Variants in NOVA1 observed in about 807,000 individuals in gnomAD.
NOVA1 encodes NOVA alternative splicing regulator 1, also known as RNA-binding protein Nova-1.
A neutral mutation model predicts 38.0 loss-of-function variants in NOVA1; 7 were observed. The ratio of observed to expected loss-of-function variants is 0.18; its 90% CI spans 0.10 to 0.35. The LOEUF is 0.35. Ranked by LOEUF, NOVA1 falls within the 10% of genes least tolerant of loss-of-function variation. The probability of loss-of-function intolerance (pLI) is 1.00; values close to 1 mark genes in which losing one functional copy is unlikely to be tolerated. For synonymous variants in NOVA1, 270 were observed against 232.5 expected (o/e 1.16, Z -1.47); for missense variants, 460 against 616.0 (o/e 0.75, Z 2.68).
chr14:26,516,906 CT>C (rs1179556122), intron 2 of NOVA1, among the ~76,000 whole-genome samples: 19 of 135,580 alleles, frequency 1.4e-4, no homozygotes, highest in Middle Eastern at 4.1e-3. Context: ...GACTTTGCCT[CT>C]TTTTTTTTTT....
chr14:26,484,598 A>T (rs1381636901), intron 2 of NOVA1, among the ~76,000 whole-genome samples: 1 of 152,144 alleles, frequency 6.6e-6, no homozygotes, highest in Non-Finnish European at 1.5e-5. Flanking sequence ...TGAGTTTTAT[A>T]GATACTCTCT....
intron 2 of NOVA1, among the ~76,000 whole-genome samples, chr14:26,571,440 G>GA (rs1297109228): frequency 6.6e-6 from 1 of 152,082 alleles, no homozygotes; most frequent in African/African-American, 2.4e-5. Context: ...TAAGTGGGCA[G>GA]AAAAAACAAT....
At chr14:26,459,235 AT>A (rs1221119844) in intron 4 of NOVA1, among the ~76,000 whole-genome samples, 1 of 152,030 alleles carries the variant, frequency 6.6e-6, no homozygotes, top group East Asian at 1.9e-4. Context: ...CAGGAGTATC[AT>A]TTTTTATCTT....
chr14:26,558,864 C>T (rs1014377733), intron 2 of NOVA1, among the ~76,000 whole-genome samples: 10 of 151,952 alleles, frequency 6.6e-5, no homozygotes, highest in Admixed American at 5.9e-4. Flanking sequence ...ATACTCTAGC[C>T]TACATAATTA....
At chr14:26,461,629 TTAAAA>T (rs1430671101) in intron 4 of NOVA1, among the ~76,000 whole-genome samples, 7 of 151,862 alleles carry the variant, frequency 4.6e-5, no homozygotes, top group African/African-American at 1.7e-4. Context: ...CTAAACGACC[TTAAAA>T]ACTCCTAATG....
intron 2 of NOVA1, among the ~76,000 whole-genome samples, chr14:26,482,012 A>AAAAAAAAAAAAAAAAAC (rs1885511362): frequency 7.8e-6 from 1 of 127,502 alleles, no homozygotes; most frequent in Non-Finnish European, 1.8e-5. Context: ...AAAAAAAAAA[A>AAAAAAAAAAAAAAAAAC]AACATGGCTC....
At chr14:26,591,282 T>C (rs1001897587) in intron 2 of NOVA1, among the ~76,000 whole-genome samples, 1 of 151,704 alleles carries the variant, frequency 6.6e-6, no homozygotes, top group Non-Finnish European at 1.5e-5. Context: ...ATAGGTAGTG[T>C]GTCAAATAAA....
chr14:26,594,663 G>A (rs1413110121), intron 2 of NOVA1: 1 of 151,820 alleles, frequency 6.6e-6, no homozygotes, highest in African/African-American at 2.4e-5. Flanking sequence ...GAAAAAAATA[G>A]AAAAAGATGG....
At chr14:26,496,004 A>ATT (rs1886749461) in intron 2 of NOVA1, among the ~76,000 whole-genome samples, 1 of 137,972 alleles carries the variant, frequency 7.2e-6, no homozygotes, top group African/African-American at 2.5e-5. Flanking sequence ...TCCTTTGGGT[A>ATT]TATACCCAGT....
chr14:26,531,180 T>C (rs943692609), intron 2 of NOVA1, among the ~76,000 whole-genome samples: 6 of 152,238 alleles, frequency 3.9e-5, no homozygotes, highest in African/African-American at 1.2e-4. Context: ...ATTTAGAGTC[T>C]GTCAAATGTG....
chr14:26,596,720 C>A, intron 1 of NOVA1: 1 of 1,282,160 alleles, frequency 7.8e-7, no homozygotes, highest in Non-Finnish European at 1.0e-6. Context: ...CTCGTATGCA[C>A]CCCCCTGAAG....
rs1882365505 is a variant in NOVA1, at chr14:26,448,888, C to T, written c.595G>A (p.Glu199Lys). ...KGGATVKAVM[E>K]QSGAWVQLSQ... ...AGCTGCACCCAAGCCCCTGACTGCT[C>T]CATTACAGCCTTCACAGTAGCACCT... is the stretch of plus-strand genomic sequence containing the variant. The change falls in exon 5 of 5, where the codon GAG becomes AAG. Residue 199 changes from glutamate to lysine, a missense_variant. Coordinates refer to ENST00000539517, the MANE Select transcript of NOVA1 (RefSeq NM_002515.3). The surrounding 1 kb of genome is among the most constrained non-coding windows in gnomAD (Gnocchi z 5.3). 2 of 1,613,994 alleles carry T rather than the reference C, an allele frequency of 1.2e-6. No individual in the cohort carries two copies. The highest frequency in any genetic ancestry group is 1.7e-6 in the Non-Finnish European group (2 of 1,180,028).
chr14:26,447,941 G>A lies in NOVA1; in HGVS notation c.*18C>T, dbSNP rs1050056533. 12 of 1,605,956 alleles carry A rather than the reference G, an allele frequency of 7.5e-6. No individual in the cohort carries two copies. In the African/African-American group the frequency reaches 1.3e-4, roughly 18 times the overall value. ...GGTAAAGGAGGGGTTAAAACAATCTGATGTGTAACTGGGGCACTCAACCCA... is the reference window on the plus strand; with the variant it reads ...GGTAAAGGAGGGGTTAAAACAATCTAATGTGTAACTGGGGCACTCAACCCA... On this transcript the variant is annotated 3_prime_UTR_variant, in exon 5 of 5. Transcript: ENST00000539517.
chr14:26,498,962 T>C (rs954520134), intron 2 of NOVA1, among the ~76,000 whole-genome samples: 1 of 152,168 alleles, frequency 6.6e-6, no homozygotes, highest in Admixed American at 6.5e-5. Flanking sequence ...CTGCATATTC[T>C]TACTTAGATA....
chr14:26,444,177 A>T lies in NOVA1; in HGVS notation c.*3782T>A, dbSNP rs1881895873. The T allele has an allele frequency of 6.6e-6, 1 of 152,132 alleles. No homozygotes were observed. Among genetic ancestry groups the T allele is most frequent in the South Asian group, 2.1e-4 (1 of 4,828 alleles). The allele number at this position is 152,132 out of a possible 1,614,324, so 9.4% of individuals were successfully genotyped here. Reference sequence around the variant, plus strand: ...CAAGGAAACATAGGGCCTGTAACGTAGGGATTCCATTCATTGTTAAATTAC... The same window carrying T: ...CAAGGAAACATAGGGCCTGTAACGTTGGGATTCCATTCATTGTTAAATTAC... On this transcript the variant is annotated 3_prime_UTR_variant, in exon 5 of 5. Transcript: ENST00000539517.
intron 2 of NOVA1, among the ~76,000 whole-genome samples, chr14:26,546,029 T>G (rs904650815): frequency 1.3e-5 from 2 of 152,048 alleles, no homozygotes; most frequent in African/African-American, 4.8e-5. Context: ...TTTATAAAAA[T>G]AAGCAGAAAT....
intron 3 of NOVA1, among the ~76,000 whole-genome samples, chr14:26,477,009 C>T (rs1405608955): frequency 6.8e-6 from 1 of 147,416 alleles, no homozygotes; most frequent in East Asian, 2.0e-4. Flanking sequence ...GCCACAGTGC[C>T]TGGCCACGCC....
chr14:26,596,663 A>C (rs1213542764), intron 1 of NOVA1: 41 of 1,288,964 alleles, frequency 3.2e-5, no homozygotes, highest in Non-Finnish European at 4.0e-6. Flanking sequence ...TCTTCCAAGG[A>C]AGCGCAGGAT....
chr14:26,448,409 T>G lies in NOVA1; in HGVS notation c.1074A>C (p.Ala358=), dbSNP rs749058869. ...TGGCATAGGTGGCCAATAAATTGGC[T>G]GCTGCTGCTGCTGGGTTGGCACTGG... is the stretch of plus-strand genomic sequence containing the variant. ...AAASANPAAA[A]ANLLATYASE... Residue 358 remains alanine, a synonymous_variant, in exon 5 of 5, where the codon GCA becomes GCC. Transcript: ENST00000539517. This position sits in a 1 kb window ranked among gnomAD's most constrained non-coding sequence, Gnocchi z 5.3. The G allele has an allele frequency of 1.2e-5, 19 of 1,606,384 alleles. No homozygotes were observed. In the South Asian group the frequency reaches 2.1e-4, roughly 18 times the overall value.
Sources: gnomAD v4.1 joint callset for allele counts (sites outside exome capture counted in the v4.1 genomes callset) on GRCh38, gnomAD v4.1.1 for gene constraint, Gnocchi (gnomAD v3.1) non-coding constraint, MANE v1.5 for transcripts, NCBI Gene and HGNC (gene_info 2026-07-23, HGNC 2026-07-21) for gene names.